Variants in DENND6A observed in about 807,000 individuals in gnomAD.
The protein encoded by DENND6A is DENN domain containing 6A, also known as protein DENND6A.
A neutral mutation model predicts 95.5 loss-of-function variants in DENND6A; 43 were observed. The ratio of observed to expected loss-of-function variants is 0.45; its 90% confidence interval spans 0.35 to 0.58. DENND6A has a LOEUF of 0.58. Ranked by LOEUF, DENND6A falls within the 20% of genes least tolerant of loss-of-function variation. The pLI is 0.00. For missense variants in DENND6A, 574 were observed against 736.0 expected, an observed-to-expected ratio of 0.78 and a Z score of 2.55; for synonymous variants, 257 against 260.4, an observed-to-expected ratio of 0.99 and a Z score of 0.13.
At chr3:57,667,406 G>A (rs1428137558) in intron 3 of DENND6A, among the ~76,000 whole-genome samples, 2 of 151,122 alleles carry the variant, frequency 1.3e-5, no homozygotes, top group South Asian at 2.1e-4. Context: ...ATCCTCCCAC[G>A]TCAGCCTCCC....
At chr3:57,680,423 G>GCT (rs1436508115) in intron 1 of DENND6A, among the ~76,000 whole-genome samples, 1 of 151,232 alleles carries the variant, frequency 6.6e-6, no homozygotes, top group Non-Finnish European at 1.5e-5. Context: ...TGAGATTAAT[G>GCT]CTCTTATCAA....
chr3:57,632,214 C>T (rs571757565), intron 15 of DENND6A, among the ~76,000 whole-genome samples: 6 of 150,456 alleles, frequency 4.0e-5, no homozygotes, highest in African/African-American at 7.3e-5. Flanking sequence ...AGAGACGAGA[C>T]GGGGTTTCAC....
At chr3:57,659,272 G>T in intron 7 of DENND6A, 92 bp from the exon 8 acceptor site, 1 of 1,352,392 alleles carries the variant, frequency 7.4e-7, no homozygotes, top group Non-Finnish European at 1.0e-6. Flanking sequence ...GGTCAGTAAT[G>T]CCAAAAAAGC....
rs141509483 is a variant in DENND6A, at chr3:57,630,417, G to C, written c.1620+4C>G. The C allele has an allele frequency of 1.7e-5, 27 of 1,577,236 alleles. No homozygotes were observed. In the African/African-American group the frequency reaches 2.9e-4, roughly 17 times the overall value. On this transcript the variant is annotated splice_donor_region_variant and intron_variant, in intron 18 of 19. Transcript: ENST00000311128. The stretch of plus-strand genomic sequence containing the variant: ...ATCATTACACAAACACACAGTTTTC[G>C]AACCTCTTCACAAAGAGCTTCTAGA...
chr3:57,671,187 G>A (rs2153416348), intron 3 of DENND6A, among the ~76,000 whole-genome samples: 1 of 152,252 alleles, frequency 6.6e-6, no homozygotes, highest in Admixed American at 6.5e-5. Flanking sequence ...TTGTTTAACT[G>A]TCAAATCTCT....
At chr3:57,692,202 T>C (rs1392652700) in intron 1 of DENND6A, among the ~76,000 whole-genome samples, 1 of 123,968 alleles carries the variant, frequency 8.1e-6, no homozygotes, top group Non-Finnish European at 1.6e-5. Flanking sequence ...CACTCCAGCC[T>C]GAGCAACAAG....
intron 14 of DENND6A, among the ~76,000 whole-genome samples, chr3:57,634,118 T>A (rs1362002526): frequency 1.3e-5 from 2 of 151,976 alleles, no homozygotes; most frequent in Non-Finnish European, 2.9e-5. Flanking sequence ...GTCTCCTGAT[T>A]TTCATAAAAC....
chr3:57,685,437 GATTCT>G (rs2077203577), intron 1 of DENND6A, among the ~76,000 whole-genome samples: 1 of 152,056 alleles, frequency 6.6e-6, no homozygotes, highest in Non-Finnish European at 1.5e-5. Flanking sequence ...GATCTTTTCA[GATTCT>G]AGAATATTTG....
intron 12 of DENND6A, among the ~76,000 whole-genome samples, chr3:57,635,464 T>C (rs1187231590): frequency 1.3e-5 from 2 of 152,104 alleles, no homozygotes; most frequent in African/African-American, 4.8e-5. Context: ...CACTTAAAAG[T>C]GTCATGAACA....
At chr3:57,665,082 T>C (rs570303228) in intron 4 of DENND6A, among the ~76,000 whole-genome samples, 2 of 152,078 alleles carry the variant, frequency 1.3e-5, no homozygotes, top group African/African-American at 4.8e-5. Context: ...AAGCACATAG[T>C]TCAGTTTGAT....
intron 9 of DENND6A, among the ~76,000 whole-genome samples, chr3:57,647,115 C>G (rs1356254119): frequency 2.6e-5 from 4 of 152,072 alleles, no homozygotes; most frequent in Admixed American, 6.5e-5. Context: ...GGGGGAAAAT[C>G]TTATCTATTT....
At chr3:57,633,135 AT>A in intron 15 of DENND6A, 129 bp downstream of exon 15, 1 of 762,404 alleles carries the variant, frequency 1.3e-6, no homozygotes, top group Non-Finnish European at 2.1e-6. Context: ...AAAGGGGTTT[AT>A]TTTTAATCAC....
intron 1 of DENND6A, among the ~76,000 whole-genome samples, chr3:57,688,894 C>T (rs112121797): frequency 0.01 from 1,581 of 152,202 alleles, 17 homozygotes; most frequent in African/African-American, 0.036. Flanking sequence ...AAAGTATTAA[C>T]AAAAATGCCG....
At chr3:57,629,612 C>T (rs2070618859) in intron 18 of DENND6A, among the ~76,000 whole-genome samples, 3 of 150,048 alleles carry the variant, frequency 2.0e-5, no homozygotes, top group Admixed American at 6.7e-5. Context: ...CCCGGGTTCA[C>T]GCCATTCTCC....
chr3:57,631,210 T>G, intron 15 of DENND6A: 1 of 478,704 alleles, frequency 2.1e-6, no homozygotes, highest in Non-Finnish European at 3.7e-6. Context: ...CATTTTTTCT[T>G]TTTTGAGACA....
At position 57,641,675 on chromosome 3, in the gene DENND6A, T is replaced by C; in HGVS notation, c.1110A>G (p.Arg370=). 1 of 1,612,564 alleles carries C rather than the reference T, an allele frequency of 6.2e-7. No homozygotes were observed. The highest frequency in any genetic ancestry group is 8.5e-7 in the Non-Finnish European group (1 of 1,179,216). The part of the protein sequence containing the change: ...KTLQHWPHII[R]IGDLKPTGEI... ...TACCTGTAGGTTTAAGGTCTCCTAT[T>C]CGAATAATGTGTGGCCAGTGCTGGA... Residue 370 remains arginine (R), a synonymous_variant, in exon 12 of 20, where the codon CGA becomes CGG. Transcript: ENST00000311128.
At chr3:57,676,246 G>A (rs2071706751) in intron 1 of DENND6A, among the ~76,000 whole-genome samples, 4 of 151,972 alleles carry the variant, frequency 2.6e-5, no homozygotes, top group Non-Finnish European at 5.9e-5. Context: ...CAGGCATGGT[G>A]GTGGGCACTT....
At chr3:57,634,535 T>C in intron 14 of DENND6A, 23 bp downstream of exon 14, 1 of 1,276,588 alleles carries the variant, frequency 7.8e-7, no homozygotes, top group Non-Finnish European at 1.1e-6. Context: ...AAATTTAAAT[T>C]AATAATATGA....
rs2071398491 is a variant in DENND6A, at chr3:57,660,288, A to T, written c.699+472T>A. On this transcript the variant is annotated intron_variant, in intron 7 of 19. Coordinates refer to ENST00000311128, the MANE Select transcript of DENND6A (RefSeq NM_152678.3). The stretch of plus-strand genomic sequence containing the variant: ...TGGCTCACTGCAGTCTCAACTTCCC[A>T]GGCTCAAGCAATATCCCAAGTACCT... Among the ~76,000 whole-genome samples the T allele has an allele frequency of 1.3e-5, 2 of 151,002 alleles. 1 individual carries two copies. The highest frequency in any genetic ancestry group is 4.2e-4 in the South Asian group (2 of 4,784).
Sources: allele counts gnomAD v4.1 joint callset (sites outside exome capture counted in the v4.1 genomes callset), GRCh38; gene constraint gnomAD v4.1.1; transcripts MANE v1.5; gene names NCBI Gene and HGNC (gene_info 2026-07-23, HGNC 2026-07-21).